Variants in PHF2 observed in about 807,000 individuals in gnomAD.
PHF2 encodes the protein lysine-specific demethylase PHF2.
In PHF2, 27 loss-of-function variants were observed where a neutral mutation model predicts 120.5. The observed-to-expected ratio is 0.22, with a 90% CI of 0.17 to 0.31. The LOEUF (loss-of-function observed/expected upper bound fraction) is 0.31. Among genes scored for constraint, PHF2 ranks in the 10% least tolerant of loss-of-function variants. PHF2 has a pLI of 1.00. For missense variants in PHF2, 1,024 were observed against 1,434.8 expected (o/e 0.71, Z 4.63); for synonymous variants, 568 against 592.5 (o/e 0.96, Z 0.60).
rs1308263948 is a variant in PHF2, at chr9:93,676,578, C to T, written c.2833-16C>T. On this transcript the variant is annotated splice_polypyrimidine_tract_variant and intron_variant, in intron 20 of 21. Coordinates refer to ENST00000359246, the MANE Select transcript of PHF2 (RefSeq NM_005392.4). ...GGGCTGTGCGTCTGAGGCTGCCCTGCATGTTTTGTTCAAAGGAGGAGCAGA... is the reference window on the plus strand; with the variant it reads ...GGGCTGTGCGTCTGAGGCTGCCCTGTATGTTTTGTTCAAAGGAGGAGCAGA... 2.5e-6 allele frequency: 4 copies of T among 1,577,024 alleles called. No homozygotes were observed. Among genetic ancestry groups the T allele is most frequent in the Non-Finnish European group, 8.6e-7 (1 of 1,156,668 alleles).
intron 1 of PHF2, among the ~76,000 whole-genome samples, chr9:93,593,250 C>G (rs1393141228): frequency 2.0e-5 from 3 of 152,104 alleles, no homozygotes; most frequent in African/African-American, 7.2e-5. Context: ...GGGCTGCACC[C>G]CCTGGACCCA....
At chr9:93,637,565 T>C (rs1182269414) in intron 3 of PHF2, among the ~76,000 whole-genome samples, 1 of 152,216 alleles carries the variant, frequency 6.6e-6, no homozygotes, top group Non-Finnish European at 1.5e-5. Context: ...ACTGGCCTCT[T>C]TCATTTAGCA....
chr9:93,625,468 CTTTTTTTTTTTTTT>C (rs905164226), intron 1 of PHF2, among the ~76,000 whole-genome samples: 5 of 94,710 alleles, frequency 5.3e-5, no homozygotes, highest in African/African-American at 2.1e-4. Flanking sequence ...GTTTGAGTAC[CTTTTTTTTTTTTTT>C]TTTTTTTTTT....
chr9:93,603,198 A>G (rs1825477332), intron 1 of PHF2, among the ~76,000 whole-genome samples: 1 of 152,052 alleles, frequency 6.6e-6, no homozygotes, highest in Non-Finnish European at 1.5e-5. Context: ...GGACAGGAGG[A>G]ACAAAGGCCA....
chr9:93,652,736 G>A (rs1826389950), intron 5 of PHF2, among the ~76,000 whole-genome samples: 1 of 152,144 alleles, frequency 6.6e-6, no homozygotes, highest in Admixed American at 6.5e-5. Flanking sequence ...CAGGGGTCGT[G>A]GGCACCCTGT....
chr9:93,677,015 A>G lies in PHF2; in HGVS notation c.3202+52A>G, dbSNP rs774243121. 1.4e-6 allele frequency: 2 copies of G among 1,458,254 alleles called. No individual in the cohort carries two copies. Among genetic ancestry groups the G allele is most frequent in the South Asian group, 1.4e-5 (1 of 70,512 alleles). 90.3% of individuals were successfully genotyped at this position (1,458,254 alleles called of 1,614,324 possible). A position where few individuals can be genotyped will look rare whatever the true frequency, so the allele number is the denominator to read the frequency against. ...CAGCCCCCCTGCCCTGCCTGCCCCCATGGGCAGCCCCAGACATGCAGACTC... is the reference window on the plus strand; with the variant it reads ...CAGCCCCCCTGCCCTGCCTGCCCCCGTGGGCAGCCCCAGACATGCAGACTC... On this transcript the variant is annotated intron_variant, in intron 21 of 21. Transcript: ENST00000359246. This position sits in a 1 kb window ranked among gnomAD's most constrained non-coding sequence, Gnocchi z 4.4.
chr9:93,656,735 G>A lies in PHF2; in HGVS notation c.1147+140G>A. 1 of 644,670 alleles carries A rather than the reference G, an allele frequency of 1.6e-6. No individual in the cohort carries two copies. The highest frequency in any genetic ancestry group is 2.8e-6 in the Non-Finnish European group (1 of 360,914). 39.9% of individuals were successfully genotyped at this position (644,670 alleles called of 1,614,324 possible). On this transcript the variant is annotated intron_variant, in intron 9 of 21. Coordinates refer to ENST00000359246, the MANE Select transcript of PHF2 (RefSeq NM_005392.4). The surrounding 1 kb of genome is among the most constrained non-coding windows in gnomAD (Gnocchi z 4.1). ...AAGTCCTCTTGGGACTCAGACCCCTGGGGCTCAGTTTCCCCATCTGTATAA... is the reference window on the plus strand; with the variant it reads ...AAGTCCTCTTGGGACTCAGACCCCTAGGGCTCAGTTTCCCCATCTGTATAA...
At chr9:93,585,903 C>T (rs984079028) in intron 1 of PHF2, among the ~76,000 whole-genome samples, 2 of 152,226 alleles carry the variant, frequency 1.3e-5, no homozygotes, top group African/African-American at 4.8e-5. Context: ...GGGAAGGCAG[C>T]GTCAAGTGGA....
At position 93,645,718 on chromosome 9, in the gene PHF2, C is replaced by T; in HGVS notation, c.389C>T (p.Pro130Leu). The change falls in exon 4 of 22, where the codon CCT becomes CTT. Residue 130 changes from proline (P) to leucine (L), a missense_variant. Pro to Leu is a moderately conservative substitution (Grantham distance 98, BLOSUM62 -3). This residue lies in a region of PHF2 where 347 missense variants were observed against 577.4 expected (regional missense o/e 0.60). Coordinates refer to ENST00000359246, the MANE Select transcript of PHF2 (RefSeq NM_005392.4). ...EHGFTEPILV[P>L]KKDGLGLAVP... ...GGCTTCACCGAGCCCATCCTCGTCC[C>T]TAAGAAAGACGGGCTGGGTCTGGCT... The T allele has an allele frequency of 6.2e-7, 1 of 1,612,486 alleles. No homozygotes were observed. The highest frequency in any genetic ancestry group is 2.2e-5 in the East Asian group (1 of 44,872).
chr9:93,613,265 C>T (rs1825667641), intron 1 of PHF2, among the ~76,000 whole-genome samples: 1 of 152,196 alleles, frequency 6.6e-6, no homozygotes, highest in Non-Finnish European at 1.5e-5. Flanking sequence ...CAAGGCAGCA[C>T]CTCAGCATAG....
In PHF2 at chr9:93,675,727, G is replaced by T; in HGVS notation, c.2770G>T (p.Gly924Cys). Residue 924 changes from glycine to cysteine, a missense_variant, in exon 20 of 22, where the codon GGT (glycine) becomes TGT (cysteine). Transcript: ENST00000359246. ...AAGACAGGACAGGCCTGTGCGTGAG[G>T]GTACACGGGTGGCTTCCATCGAGAC... ...VPRQDRPVRE[G>C]TRVASIETGL... The T allele has an allele frequency of 6.2e-7, 1 of 1,613,264 alleles. No homozygotes were observed. The highest frequency in any genetic ancestry group is 2.2e-5 in the East Asian group (1 of 44,868).
chr9:93,583,577 T>TA (rs1488443402), intron 1 of PHF2, among the ~76,000 whole-genome samples: 2 of 147,236 alleles, frequency 1.4e-5, no homozygotes, highest in Non-Finnish European at 3.0e-5. Flanking sequence ...TTTTCCTAAT[T>TA]TTTTTTTTTA....
chr9:93,651,987 G>T (rs59257911), intron 5 of PHF2, among the ~76,000 whole-genome samples: 2,268 of 152,292 alleles, frequency 0.015, 46 homozygotes, highest in African/African-American at 0.049. Context: ...GTATGAATGG[G>T]GGCAATGAGG....
intron 7 of PHF2, among the ~76,000 whole-genome samples, 159 bp downstream of exon 7, chr9:93,654,734 G>A (rs1420552851): frequency 6.6e-6 from 1 of 152,214 alleles, no homozygotes; most frequent in Non-Finnish European, 1.5e-5. Context: ...AAAGGAGGTT[G>A]AAACTGGGCA....
rs1249924897 is a variant in PHF2 at position 93,602,236 on chromosome 9, T to A, written c.98+25365T>A. On this transcript the variant is annotated intron_variant, in intron 1 of 21. Coordinates refer to ENST00000359246, the MANE Select transcript of PHF2 (RefSeq NM_005392.4). The stretch of plus-strand genomic sequence containing the variant: ...TTTGCATTTTAAAGTCATTTTGCAT[T>A]CCTAGAGATTCTTTTTTTTTTTTTT... Among the ~76,000 whole-genome samples, 4 of 147,992 alleles carry A rather than the reference T, an allele frequency of 2.7e-5. No homozygotes were observed. In the Admixed American group the frequency reaches 2.8e-4, roughly 10 times the overall value.
At chr9:93,612,796 G>C (rs1200109222) in intron 1 of PHF2, among the ~76,000 whole-genome samples, 4 of 152,168 alleles carry the variant, frequency 2.6e-5, no homozygotes, top group African/African-American at 7.2e-5. Flanking sequence ...GCAGACTCTT[G>C]CAGGGCCCCG....
At chr9:93,595,720 C>T (rs1291979090) in intron 1 of PHF2, among the ~76,000 whole-genome samples, 1 of 152,242 alleles carries the variant, frequency 6.6e-6, no homozygotes, top group South Asian at 2.1e-4. Flanking sequence ...ACCTGGTTTG[C>T]AGGTAAATAT....
chr9:93,658,122 C>T (rs769419700), intron 9 of PHF2, 23 bp from the exon 10 acceptor site: 11 of 1,570,590 alleles, frequency 7.0e-6, no homozygotes, highest in Middle Eastern at 1.7e-4. Flanking sequence ...ACCCACCCAC[C>T]TCACCCAGTG....
intron 1 of PHF2, among the ~76,000 whole-genome samples, chr9:93,590,019 C>G (rs1406207144): frequency 1.3e-5 from 2 of 152,212 alleles, no homozygotes; most frequent in African/African-American, 4.8e-5. Flanking sequence ...CCCTGGCTAT[C>G]CTGGTCTGTA....
Sources: gnomAD v4.1 joint callset for allele counts (sites outside exome capture counted in the v4.1 genomes callset) on GRCh38, gnomAD v4.1.1 for gene constraint, gnomAD v4.1.1 regional missense constraint, Gnocchi (gnomAD v3.1) non-coding constraint, MANE v1.5 for transcripts, NCBI Gene and HGNC (gene_info 2026-07-23, HGNC 2026-07-21) for gene names.